The following CPEB3 variants were observed in gnomAD, a reference collection of about 807,000 sequenced individuals.
CPEB3 encodes cytoplasmic polyadenylation element-binding protein 3.
CPEB3 carries 20 observed loss-of-function variants against 67.2 expected under a neutral mutation model. That is an observed-to-expected ratio of 0.30 (90% CI 0.21 to 0.43). The LOEUF (loss-of-function observed/expected upper bound fraction) is 0.43. Ranked by LOEUF, CPEB3 falls within the 20% of genes least tolerant of loss-of-function variation. CPEB3 has a pLI of 1.00. For missense variants in CPEB3, 746 were observed against 968.6 expected, an observed-to-expected ratio of 0.77 and a Z score of 3.05; for synonymous variants, 376 against 393.1, an observed-to-expected ratio of 0.96 and a Z score of 0.51.
At chr10:92,245,256 G>T (rs1162922908) in intron 1 of CPEB3, among the ~76,000 whole-genome samples, 1 of 148,220 alleles carries the variant, frequency 6.7e-6, no homozygotes, top group Non-Finnish European at 1.5e-5. Flanking sequence ...TCCTACCTCA[G>T]CCTCTTGAGT....
intron 2 of CPEB3, among the ~76,000 whole-genome samples, chr10:92,219,613 A>G (rs1475570807): frequency 6.6e-6 from 1 of 152,198 alleles, no homozygotes; most frequent in African/African-American, 2.4e-5. Flanking sequence ...AATATCAGAT[A>G]TCCCGTTACA....
intron 1 of CPEB3, among the ~76,000 whole-genome samples, chr10:92,264,815 G>A (rs1358240408): frequency 6.6e-6 from 1 of 152,126 alleles, no homozygotes; most frequent in Non-Finnish European, 1.5e-5. Context: ...ACAATGGGAG[G>A]CCGAGGCAGG....
chr10:92,271,998 T>C (rs1853327434), intron 1 of CPEB3: 1 of 152,208 alleles, frequency 6.6e-6, no homozygotes, highest in South Asian at 2.1e-4. Context: ...AAATAATTCA[T>C]ATTTATTTCT....
At chr10:92,219,956 G>A (rs562098120) in intron 2 of CPEB3, among the ~76,000 whole-genome samples, 5 of 152,294 alleles carry the variant, frequency 3.3e-5, no homozygotes, top group South Asian at 4.1e-4. Context: ...TCAGGAGTTC[G>A]ATACCAGCCT....
chr10:92,144,841 C>CCA, intron 5 of CPEB3, 104 bp downstream of exon 5: 2 of 997,908 alleles, frequency 2.0e-6, no homozygotes, highest in Non-Finnish European at 3.1e-6. Context: ...CTCCTATGCA[C>CCA]TAAGATATAG....
Position 92,051,983 on chromosome 10 carries a change from A to G in CPEB3, c.*229T>C, listed in dbSNP as rs915171999. The G allele has an allele frequency of 1.4e-5, 6 of 443,718 alleles. No individual in the cohort carries two copies. The highest frequency in any genetic ancestry group is 2.0e-5 in the Non-Finnish European group (5 of 249,692). 27.5% of individuals were successfully genotyped at this position (443,718 alleles called of 1,614,324 possible). Reference sequence around the variant, plus strand: ...TACCAAGCAGACAAAGGTGTGAATCAAAGTGCAAATCAGTACCATTCTACA... The same window carrying G: ...TACCAAGCAGACAAAGGTGTGAATCGAAGTGCAAATCAGTACCATTCTACA... On this transcript the variant is annotated 3_prime_UTR_variant, in exon 10 of 10. Coordinates refer to ENST00000265997, the MANE Select transcript of CPEB3 (RefSeq NM_014912.5).
intron 2 of CPEB3, among the ~76,000 whole-genome samples, chr10:92,204,756 G>T (rs904270086): frequency 1.3e-5 from 2 of 149,154 alleles, no homozygotes; most frequent in Non-Finnish European, 3.0e-5. Flanking sequence ...ATTAAAATGA[G>T]ACAAATAATA....
intron 4 of CPEB3, among the ~76,000 whole-genome samples, chr10:92,152,645 G>A (rs1265472672): frequency 1.3e-5 from 2 of 152,132 alleles, no homozygotes; most frequent in African/African-American, 4.8e-5. Flanking sequence ...ATATATTGGT[G>A]TTCATTAAAC....
chr10:92,245,451 G>A, intron 1 of CPEB3, among the ~76,000 whole-genome samples: 1 of 151,794 alleles, frequency 6.6e-6, no homozygotes, highest in East Asian at 1.9e-4. Context: ...TCTATTTTTT[G>A]ACCCCCTAAG....
chr10:92,286,948 G>A (rs1045660442), intron 1 of CPEB3, among the ~76,000 whole-genome samples: 2 of 152,200 alleles, frequency 1.3e-5, no homozygotes, highest in East Asian at 1.9e-4. Flanking sequence ...AGTGGTGTGC[G>A]CCTATAATCC....
intron 7 of CPEB3, among the ~76,000 whole-genome samples, chr10:92,098,770 C>CTTTTTTTTTTT (rs984013045): frequency 2.4e-5 from 3 of 124,558 alleles, no homozygotes; most frequent in Non-Finnish European, 3.4e-5. Context: ...TTCTTTTTTT[C>CTTTTTTTTTTT]TTTTTTTTTT....
chr10:92,076,686 T>G (rs1045985139), intron 9 of CPEB3, among the ~76,000 whole-genome samples: 1 of 152,108 alleles, frequency 6.6e-6, no homozygotes, highest in Non-Finnish European at 1.5e-5. Context: ...AATGCTTGGA[T>G]TATACACATG....
chr10:92,162,260 A>G (rs994841861), intron 4 of CPEB3, among the ~76,000 whole-genome samples: 17 of 152,130 alleles, frequency 1.1e-4, no homozygotes, highest in African/African-American at 3.9e-4. Context: ...GGCTAGCGAT[A>G]GTAACCAGAG....
chr10:92,269,023 T>C (rs1853186204), intron 1 of CPEB3, among the ~76,000 whole-genome samples: 1 of 152,214 alleles, frequency 6.6e-6, no homozygotes, highest in South Asian at 2.1e-4. Context: ...TGATGAGCTC[T>C]GGAACTGGAA....
chr10:92,288,974 G>A (rs766517925), intron 1 of CPEB3, among the ~76,000 whole-genome samples: 2 of 152,146 alleles, frequency 1.3e-5, no homozygotes, highest in Non-Finnish European at 2.9e-5. Context: ...GGCTGTGCAC[G>A]GTGGCTCACA....
At chr10:92,096,181 A>C (rs566385979) in intron 7 of CPEB3, among the ~76,000 whole-genome samples, 2 of 152,038 alleles carry the variant, frequency 1.3e-5, no homozygotes, top group Non-Finnish European at 2.9e-5. Flanking sequence ...AGCCTAGAAT[A>C]TATTTTAAAA....
intron 7 of CPEB3, among the ~76,000 whole-genome samples, chr10:92,094,808 G>C (rs1046689617): frequency 2.8e-4 from 41 of 145,734 alleles, no homozygotes; most frequent in Non-Finnish European, 3.3e-4. Context: ...AGATTCTAAT[G>C]ACACACACAC....
At chr10:92,217,323 G>T (rs538870646) in intron 2 of CPEB3, among the ~76,000 whole-genome samples, 1 of 147,074 alleles carries the variant, frequency 6.8e-6, no homozygotes, top group South Asian at 2.1e-4. Flanking sequence ...ATGCACTAAT[G>T]ATATAAACCA....
At chr10:92,218,364 G>A (rs976378563) in intron 2 of CPEB3, among the ~76,000 whole-genome samples, 9 of 152,116 alleles carry the variant, frequency 5.9e-5, no homozygotes, top group Admixed American at 3.3e-4. Flanking sequence ...CTGAGATCGC[G>A]CCACTGCACT....
Sources: allele counts gnomAD v4.1 joint callset (sites outside exome capture counted in the v4.1 genomes callset), GRCh38; gene constraint gnomAD v4.1.1; transcripts MANE v1.5; gene names NCBI Gene and HGNC (gene_info 2026-07-23, HGNC 2026-07-21).